Variants in CTNNA2 observed in about 807,000 individuals in gnomAD.
CTNNA2 encodes catenin alpha-2.
CTNNA2 carries 42 observed loss-of-function variants against 101.0 expected under a neutral mutation model. The observed-to-expected ratio is 0.42, with a 90% confidence interval of 0.32 to 0.54. The LOEUF (loss-of-function observed/expected upper bound fraction) is 0.54. Ranked by LOEUF, CTNNA2 falls within the 20% of genes least tolerant of loss-of-function variation. The probability of loss-of-function intolerance (pLI) is 0.14; values close to 1 mark genes in which losing one functional copy is unlikely to be tolerated. For missense variants in CTNNA2, 871 were observed against 1,223.1 expected (o/e 0.71, Z 4.29); for synonymous variants, 450 against 456.4 (o/e 0.99, Z 0.18).
intron 3 of CTNNA2, among the ~76,000 whole-genome samples, chr2:79,823,659 A>G (rs1678199327): frequency 6.6e-6 from 1 of 152,228 alleles, no homozygotes; most frequent in Non-Finnish European, 1.5e-5. Context: ...TCTATTCTGT[A>G]TACTTAAATA....
intron 2 of CTNNA2, among the ~76,000 whole-genome samples, chr2:79,678,171 A>G (rs1683311747): frequency 6.6e-6 from 1 of 152,184 alleles, no homozygotes; most frequent in South Asian, 2.1e-4. Context: ...CCTGATTATG[A>G]GGCAACAGTT....
Position 80,569,644 on chromosome 2 carries a change from T to A in CTNNA2, c.1742-4519T>A, listed in dbSNP as rs1336096902. On this transcript the variant is annotated intron_variant, in intron 12 of 18. Coordinates refer to ENST00000402739, the MANE Select transcript of CTNNA2 (RefSeq NM_001282597.3). ...TTTGGGGTATTTAGGTTTTTTTTTT[T>A]TTTTTTTTTTTTTTTTGAGATGGAG... Among the ~76,000 whole-genome samples the A allele has an allele frequency of 7.4e-3, 747 of 101,354 alleles. 17 individuals carry two copies. The highest frequency in any genetic ancestry group is 0.023 in the African/African-American group (695 of 30,432). The allele number at this position is 101,354 out of a possible 152,430, so 66.5% of individuals were successfully genotyped here.
chr2:80,111,196 T>G (rs1024491200), intron 7 of CTNNA2, among the ~76,000 whole-genome samples: 1 of 152,168 alleles, frequency 6.6e-6, no homozygotes, highest in Non-Finnish European at 1.5e-5. Flanking sequence ...GTACTACAAT[T>G]CAAGATGAGA....
At chr2:79,898,119 A>G (rs546416603) in intron 6 of CTNNA2, among the ~76,000 whole-genome samples, 2 of 151,904 alleles carry the variant, frequency 1.3e-5, no homozygotes, top group East Asian at 1.9e-4. Flanking sequence ...TAGATTATAT[A>G]TATGGTTTCT....
intron 2 of CTNNA2, among the ~76,000 whole-genome samples, chr2:79,298,336 A>T (rs1676030721): frequency 6.6e-6 from 1 of 152,148 alleles, no homozygotes; most frequent in African/African-American, 2.4e-5. Flanking sequence ...GCAAGGCAGC[A>T]TCAAGCCACT....
At chr2:80,389,407 G>A (rs552922356) in intron 7 of CTNNA2, among the ~76,000 whole-genome samples, 42 of 152,072 alleles carry the variant, frequency 2.8e-4, no homozygotes, top group African/African-American at 9.4e-4. Flanking sequence ...GCAAGTCTCC[G>A]CTCCTTCCTT....
At chr2:79,482,431 C>A (rs768852531) in intron 4 of CTNNA2, among the ~76,000 whole-genome samples, 1 of 152,166 alleles carries the variant, frequency 6.6e-6, no homozygotes, top group African/African-American at 2.4e-5. Context: ...GATTTGGAAA[C>A]GTGGGCTAGT....
At chr2:80,247,904 A>T (rs114353799) in intron 7 of CTNNA2, among the ~76,000 whole-genome samples, 2 of 152,320 alleles carry the variant, frequency 1.3e-5, no homozygotes, top group Non-Finnish European at 2.9e-5. Flanking sequence ...TAAATATCCC[A>T]AGTGGCCTTA....
At chr2:80,573,278 G>A (rs1263589727) in intron 12 of CTNNA2, 3 of 152,204 alleles carry the variant, frequency 2.0e-5, no homozygotes, top group African/African-American at 4.8e-5. Context: ...GTTAGTGGAG[G>A]TGTTCCAGAC....
intron 7 of CTNNA2, among the ~76,000 whole-genome samples, chr2:79,917,603 G>GT (rs1210493244): frequency 6.6e-6 from 1 of 152,050 alleles, no homozygotes; most frequent in African/African-American, 2.4e-5. Flanking sequence ...CTGGTAGAGG[G>GT]TTTTTTTTCT....
At chr2:80,066,855 G>A (rs1698016456) in intron 7 of CTNNA2, among the ~76,000 whole-genome samples, 1 of 152,136 alleles carries the variant, frequency 6.6e-6, no homozygotes, top group East Asian at 1.9e-4. Context: ...TCAGTGAATG[G>A]ATGGATAAAG....
chr2:79,961,469 G>T (rs1689619687), intron 7 of CTNNA2, among the ~76,000 whole-genome samples: 1 of 152,130 alleles, frequency 6.6e-6, no homozygotes. Context: ...AGTTCTGATT[G>T]CAACGGTGAA....
intron 3 of CTNNA2, among the ~76,000 whole-genome samples, chr2:79,832,053 A>G (rs192043921): frequency 2.2e-4 from 33 of 152,262 alleles, no homozygotes; most frequent in Non-Finnish European, 4.1e-4. Context: ...AAGTGCCTGC[A>G]GTCATTTTCC....
intron 2 of CTNNA2, among the ~76,000 whole-genome samples, chr2:79,715,037 C>CAAA (rs60331511): frequency 7.2e-5 from 7 of 97,130 alleles, no homozygotes; most frequent in African/African-American, 1.8e-4. Flanking sequence ...CTAAAAATAC[C>CAAA]AAAAAAAAAA....
chr2:80,505,656 T>C (rs1688219170), intron 9 of CTNNA2, among the ~76,000 whole-genome samples: 1 of 152,184 alleles, frequency 6.6e-6, no homozygotes, highest in South Asian at 2.1e-4. Flanking sequence ...ATACTTCCAA[T>C]ATGGAGAAAG....
intron 2 of CTNNA2, among the ~76,000 whole-genome samples, chr2:79,297,466 A>G (rs2104387236): frequency 6.6e-6 from 1 of 152,288 alleles, no homozygotes. Flanking sequence ...CAATATCAAG[A>G]TCTACAGACC....
At chr2:80,173,143 C>T (rs1705176928) in intron 7 of CTNNA2, among the ~76,000 whole-genome samples, 1 of 152,182 alleles carries the variant, frequency 6.6e-6, no homozygotes, top group Admixed American at 6.5e-5. Context: ...GCCACCAACA[C>T]ACTTACTACC....
At chr2:80,546,128 T>C in intron 11 of CTNNA2, 65 bp downstream of exon 11, 4 of 1,573,004 alleles carry the variant, frequency 2.5e-6, no homozygotes, top group Non-Finnish European at 3.4e-6. Flanking sequence ...AGATAAGGAA[T>C]GTCTCGCAAA....
Position 80,647,858 on chromosome 2 carries a change from A to G in CTNNA2, c.2848A>G (p.Met950Val). ...ACAGGCTTTAAGTGAATTCAAAGCAATGGATTCCTTCTAGGACGATAGGTT... is the reference window on the plus strand; with the variant it reads ...ACAGGCTTTAAGTGAATTCAAAGCAGTGGATTCCTTCTAGGACGATAGGTT... Reference protein sequence around the residue: ...PVQALSEFKAMDSF With the variant: ...PVQALSEFKAVDSF The change falls in exon 19 of 19, where the codon ATG becomes GTG. Residue 950 changes from methionine to valine, a missense_variant. Physicochemically the swap from Met to Val is conservative, Grantham distance 21. This residue lies in a region of CTNNA2 where 41 missense variants were observed against 45.1 expected (regional missense o/e 0.91). Coordinates refer to ENST00000402739, the MANE Select transcript of CTNNA2 (RefSeq NM_001282597.3). 6.2e-7 allele frequency: 1 copy of G among 1,603,884 alleles called. No individual in the cohort carries two copies. The highest frequency in any genetic ancestry group is 8.5e-7 in the Non-Finnish European group (1 of 1,173,500).
Sources: gnomAD v4.1 joint callset for allele counts (sites outside exome capture counted in the v4.1 genomes callset) on GRCh38, gnomAD v4.1.1 for gene constraint, gnomAD v4.1.1 regional missense constraint, MANE v1.5 for transcripts, NCBI Gene and HGNC (gene_info 2026-07-23, HGNC 2026-07-21) for gene names.